Variants in INSC observed in about 807,000 individuals in gnomAD.
The protein encoded by INSC is INSC spindle orientation adaptor protein, also known as protein inscuteable homolog.
In INSC, 67 loss-of-function variants were observed where a neutral mutation model predicts 58.6. The ratio of observed to expected loss-of-function variants is 1.14; its 90% confidence interval spans 0.94 to 1.40. The LOEUF (loss-of-function observed/expected upper bound fraction) is 1.40. INSC is among the 40% of genes most tolerant of loss of function. The pLI is 0.00. For missense variants in INSC, 714 were observed against 692.0 expected (o/e 1.03, Z -0.36); for synonymous variants, 262 against 276.1 (o/e 0.95, Z 0.51).
At chr11:15,151,630 A>G (rs1164421571) in intron 2 of INSC, among the ~76,000 whole-genome samples, 4 of 152,106 alleles carry the variant, frequency 2.6e-5, no homozygotes, top group Admixed American at 2.0e-4. Context: ...GGTTCTGGGC[A>G]TGGTGGTGGT....
downstream of INSC, among the ~76,000 whole-genome samples, chr11:15,250,556 C>G (rs1852639779): frequency 6.6e-6 from 1 of 152,168 alleles, no homozygotes; most frequent in Non-Finnish European, 1.5e-5. Flanking sequence ...CACTGAATGT[C>G]ATTACTTTCT....
At chr11:15,165,587 C>A (rs549541653) in intron 2 of INSC, among the ~76,000 whole-genome samples, 116 of 152,220 alleles carry the variant, frequency 7.6e-4, no homozygotes, top group Non-Finnish European at 1.4e-3. Context: ...CAGTGGTAAC[C>A]AACAGGAGTC....
intron 4 of INSC, 66 bp from the exon 5 acceptor site, chr11:15,178,258 G>A (rs890599472): frequency 1.9e-5 from 31 of 1,595,490 alleles, no homozygotes; most frequent in African/African-American, 1.9e-4. Context: ...GTTCTGGCCC[G>A]TGCAACATTT....
At chr11:15,129,681 G>C (rs1359042938) in intron 1 of INSC, among the ~76,000 whole-genome samples, 3 of 152,066 alleles carry the variant, frequency 2.0e-5, no homozygotes, top group African/African-American at 7.2e-5. Context: ...CTCTGTTTAT[G>C]CTGGTATCTA....
At chr11:15,229,963 TA>T (rs59258717) in intron 9 of INSC, among the ~76,000 whole-genome samples, 1,539 of 27,106 alleles carry the variant, frequency 0.057, 59 homozygotes, top group African/African-American at 0.11. Context: ...TATATATTTA[TA>T]TATATATATA....
chr11:15,265,509 G>T, the INSC span, among the ~76,000 whole-genome samples: 11 of 150,738 alleles, frequency 7.3e-5, no homozygotes, highest in Admixed American at 2.0e-4. Flanking sequence ...TTTTTTTCTA[G>T]AGTCAGCTTG....
Position 15,228,303 on chromosome 11 carries a change from C to G in INSC, c.1170+2475C>G, listed in dbSNP as rs116825571. 5.9e-3 allele frequency among the ~76,000 whole-genome samples: 892 copies of G among 152,280 alleles called. 11 individuals are homozygous for G. Among genetic ancestry groups the G allele is most frequent in the African/African-American group, 0.019 (795 of 41,550 alleles). ...GTCCCCTTCTTATCACAAGGAATGA[C>G]TAGCCCCCTCTTGAAGCCTCACTGA... On this transcript the variant is annotated intron_variant, in intron 9 of 12. Coordinates refer to ENST00000379556, the MANE Select transcript of INSC (RefSeq NM_001042536.3).
At chr11:15,143,369 G>A (rs1415822484) in intron 1 of INSC, among the ~76,000 whole-genome samples, 3 of 152,174 alleles carry the variant, frequency 2.0e-5, no homozygotes, top group Non-Finnish European at 4.4e-5. Context: ...AACTTGGTGA[G>A]AGGAGACAGA....
intron 1 of INSC, among the ~76,000 whole-genome samples, chr11:15,132,819 A>G (rs370771911): frequency 6.6e-6 from 1 of 151,996 alleles, no homozygotes; most frequent in Non-Finnish European, 1.5e-5. Context: ...TGGGACAATT[A>G]TTTTCTGGCA....
At chr11:15,164,296 A>G (rs1267009033) in intron 2 of INSC, among the ~76,000 whole-genome samples, 1 of 152,236 alleles carries the variant, frequency 6.6e-6, no homozygotes, top group African/African-American at 2.4e-5. Context: ...GGCAGGGTTC[A>G]GGAAACCTAT....
At chr11:15,130,362 C>T (rs962715735) in intron 1 of INSC, among the ~76,000 whole-genome samples, 2 of 151,934 alleles carry the variant, frequency 1.3e-5, no homozygotes, top group East Asian at 1.9e-4. Context: ...AAGGTTTTTT[C>T]CTTCTTTATG....
At chr11:15,234,810 A>G (rs1852059043) in intron 9 of INSC, among the ~76,000 whole-genome samples, 1 of 152,082 alleles carries the variant, frequency 6.6e-6, no homozygotes, top group African/African-American at 2.4e-5. Flanking sequence ...ACCCTTTTGC[A>G]GTTTGGGGTC....
intron 2 of INSC, among the ~76,000 whole-genome samples, chr11:15,152,362 G>T (rs1049582289): frequency 6.6e-6 from 1 of 152,174 alleles, no homozygotes; most frequent in Non-Finnish European, 1.5e-5. Context: ...TCATTGGAGT[G>T]TGTTAGAAAA....
At chr11:15,225,416 A>G (rs1410228604) in intron 8 of INSC, among the ~76,000 whole-genome samples, 1 of 152,156 alleles carries the variant, frequency 6.6e-6, no homozygotes, top group Non-Finnish European at 1.5e-5. Context: ...TGTTCATTCA[A>G]TAAATACTTA....
At chr11:15,169,147 A>G (rs921139418) in intron 2 of INSC, among the ~76,000 whole-genome samples, 2 of 151,890 alleles carry the variant, frequency 1.3e-5, no homozygotes, top group African/African-American at 2.4e-5. Context: ...TAAGGTGGTT[A>G]AGGAAGGAGC....
chr11:15,113,357 C>T (rs1847620663), upstream of INSC, among the ~76,000 whole-genome samples: 1 of 152,040 alleles, frequency 6.6e-6, no homozygotes, highest in African/African-American at 2.4e-5. Context: ...GATGGGGTTT[C>T]ACCATGTCGG....
At chr11:15,249,219 T>A (rs1173024942), downstream of INSC, among the ~76,000 whole-genome samples, 1 of 152,148 alleles carries the variant, frequency 6.6e-6, no homozygotes, top group Non-Finnish European at 1.5e-5. Context: ...AGAGATTGGA[T>A]CTGGGTAAGG....
chr11:15,218,129 CAG>C (rs1238596522), intron 7 of INSC, among the ~76,000 whole-genome samples: 4 of 152,288 alleles, frequency 2.6e-5, no homozygotes, highest in Admixed American at 2.0e-4. Context: ...GGAAGCCACT[CAG>C]ACACCCATCG....
At chr11:15,140,760 T>C (rs1197760131) in intron 1 of INSC, among the ~76,000 whole-genome samples, 2 of 152,096 alleles carry the variant, frequency 1.3e-5, no homozygotes, top group South Asian at 4.2e-4. Flanking sequence ...TTCTTTTTCT[T>C]TTTTTGTAGA....
Sources: allele counts gnomAD v4.1 joint callset (sites outside exome capture counted in the v4.1 genomes callset), GRCh38; gene constraint gnomAD v4.1.1; transcripts MANE v1.5; gene names NCBI Gene and HGNC (gene_info 2026-07-23, HGNC 2026-07-21).